The following CEP95 variants were observed in gnomAD, a reference collection of about 807,000 sequenced individuals.
CEP95 encodes centrosomal protein of 95 kDa.
Under a neutral mutation model 111.2 loss-of-function variants are expected in CEP95, and 98 were observed. The ratio of observed to expected loss-of-function variants is 0.88; its 90% confidence interval spans 0.75 to 1.04. CEP95 has a LOEUF of 1.04. Among genes scored for constraint, CEP95 ranks in the 50% least tolerant of loss-of-function variants. The pLI is 0.00. For synonymous variants in CEP95, 323 were observed against 327.1 expected, an observed-to-expected ratio of 0.99 and a Z score of 0.14; for missense variants, 1,027 against 977.2, an observed-to-expected ratio of 1.05 and a Z score of -0.68.
chr17:64,507,373 A>G, intron 1 of CEP95: 1 of 1,405,134 alleles, frequency 7.1e-7, no homozygotes, highest in Non-Finnish European at 9.2e-7. Flanking sequence ...TCCTGGCTGT[A>G]AAAAGAGCGG....
At position 64,525,900 on chromosome 17, in the gene CEP95, T is replaced by C. The variant is rs1555678989; in HGVS notation, c.1022+18T>C. On this transcript the variant is annotated intron_variant, in intron 9 of 19. Coordinates refer to ENST00000556440, the MANE Select transcript of CEP95 (RefSeq NM_138363.3). Reference sequence around the variant, plus strand: ...GGAAAAAGGTAACATTACTGCAGACTTCAGTGTTTACAGTCTGTTTACAAA... The same window carrying C: ...GGAAAAAGGTAACATTACTGCAGACCTCAGTGTTTACAGTCTGTTTACAAA... The C allele has an allele frequency of 6.6e-7, 1 of 1,525,182 alleles. No homozygotes were observed. Among genetic ancestry groups the C allele is most frequent in the African/African-American group, 1.4e-5 (1 of 71,564 alleles). 94.5% of individuals were successfully genotyped at this position (1,525,182 alleles called of 1,614,324 possible).
At chr17:64,532,290 A>C (rs1555680494) in intron 14 of CEP95, 4 of 1,166,060 alleles carry the variant, frequency 3.4e-6, no homozygotes, top group East Asian at 8.6e-5. Flanking sequence ...TCGTGTGCTT[A>C]CTCACTTTGA....
At chr17:64,530,427 AG>A (rs1178404392) in intron 12 of CEP95, among the ~76,000 whole-genome samples, 1 of 152,124 alleles carries the variant, frequency 6.6e-6, no homozygotes, top group Non-Finnish European at 1.5e-5. Context: ...AGAGTCTGAA[AG>A]GAATTTTTTT....
chr17:64,521,302 A>G lies in CEP95; in HGVS notation c.590-100A>G. ...AACATTATTTCGTTCAACATTATTT[A>G]ATATTTGTTTCCTGAGTACAAAACT... On this transcript the variant is annotated intron_variant, in intron 6 of 19. Coordinates refer to ENST00000556440, the MANE Select transcript of CEP95 (RefSeq NM_138363.3). 7 of 766,734 alleles carry G rather than the reference A, an allele frequency of 9.1e-6. No homozygotes were observed. The South Asian group carries it at 1.1e-4, about 12-fold the overall frequency. 47.5% of individuals were successfully genotyped at this position (766,734 alleles called of 1,614,324 possible). A position where few individuals can be genotyped will look rare whatever the true frequency, so the allele number is the denominator to read the frequency against.
At chr17:64,531,203 G>T in intron 13 of CEP95, 185 bp downstream of exon 13, 1 of 406,194 alleles carries the variant, frequency 2.5e-6, no homozygotes, top group African/African-American at 2.1e-5. Context: ...GCTAAAATAT[G>T]ACGAGACATG....
rs372545881 is a variant in CEP95 at position 64,532,983 on chromosome 17, G to A, written c.1817G>A (p.Arg606Gln). 9 of 1,611,554 alleles carry A rather than the reference G, an allele frequency of 5.6e-6. No individual in the cohort carries two copies. Among genetic ancestry groups the A allele is most frequent in the African/African-American group, 2.7e-5 (2 of 74,660 alleles). Residue 606 changes from arginine to glutamine, a missense_variant, in exon 15 of 20, where the codon CGA (arginine) becomes CAA (glutamine). Transcript: ENST00000556440. ...AAGAAAGAAGCATGTAGAGAAAATCGATCAAAGAAGAAACTCCAAGATGAA... is the reference window on the plus strand; with the variant it reads ...AAGAAAGAAGCATGTAGAGAAAATCAATCAAAGAAGAAACTCCAAGATGAA... Reference protein sequence around the residue: ...QLKKEACRENRSKKKLQDEIE... With the variant: ...QLKKEACRENQSKKKLQDEIE...
chr17:64,525,876 GA>G lies in CEP95; in HGVS notation c.1021del (p.Arg341GlufsTer23). 2 of 1,566,146 alleles carry G rather than the reference GA, an allele frequency of 1.3e-6. No individual in the cohort carries two copies. The highest frequency in any genetic ancestry group is 2.1e-5 in the Admixed American group (1 of 46,552). ...QGPRTRKPPK[G>X]KRNENRATAS... is the part of the protein sequence containing the mutation. ...CCTAGGACAAGGAAGCCTCCCAAAGGAAAAAGGTAACATTACTGCAGACTTC... is the reference window on the plus strand; with the variant it reads ...CCTAGGACAAGGAAGCCTCCCAAAGGAAAAGGTAACATTACTGCAGACTTC... On this transcript the variant is annotated frameshift_variant, in exon 9 of 20. Coordinates refer to ENST00000556440, the MANE Select transcript of CEP95 (RefSeq NM_138363.3). LOFTEE classifies it high-confidence loss of function.
chr17:64,507,497 T>C, intron 1 of CEP95: 1 of 1,189,140 alleles, frequency 8.4e-7, no homozygotes, highest in Non-Finnish European at 1.0e-6. Flanking sequence ...TATTGGTCTT[T>C]AAAGGAACAG....
chr17:64,534,421 G>A (rs1470317811), intron 16 of CEP95, 164 bp from the exon 17 acceptor site: 4 of 595,082 alleles, frequency 6.7e-6, no homozygotes, highest in African/African-American at 3.7e-5. Flanking sequence ...TTCAGATTGA[G>A]GTGATAAAGC....
intron 3 of CEP95, among the ~76,000 whole-genome samples, chr17:64,510,879 A>T (rs1457774772): frequency 2.0e-5 from 3 of 152,154 alleles, no homozygotes; most frequent in African/African-American, 7.2e-5. Context: ...ATAGTCACGT[A>T]GGTTCTTTTC....
rs782747693 is a variant in CEP95, at chr17:64,507,057, C to T, written c.-41C>T. ...GGTCCTTCCAGGACACCGTCGCCTT[C>T]CCGGCCGCGTCGGAGTCCGGCGGCG... On this transcript the variant is annotated 5_prime_UTR_variant, in exon 1 of 20. Transcript: ENST00000556440. 6.4e-6 allele frequency: 10 copies of T among 1,550,724 alleles called. No homozygotes were observed. Among genetic ancestry groups the T allele is most frequent in the African/African-American group, 1.4e-5 (1 of 73,178 alleles).
chr17:64,527,186 G>A lies in CEP95; in HGVS notation c.1228G>A (p.Val410Ile). The A allele has an allele frequency of 6.2e-7, 1 of 1,613,640 alleles. No individual in the cohort carries two copies. Among genetic ancestry groups the A allele is most frequent in the South Asian group, 1.1e-5 (1 of 91,064 alleles). ...AGAAGAAAATACTGGAAATGAGGAG[G>A]TAGAGGATGGAACTGAGGAGACACT... ...HKEENTGNEEVEDGTEETLSQ... is the reference protein window; with the variant it reads ...HKEENTGNEEIEDGTEETLSQ... Residue 410 changes from valine to isoleucine, a missense_variant, in exon 11 of 20, where the codon GTA (valine) becomes ATA (isoleucine). Val to Ile is a conservative substitution (Grantham distance 29). Transcript: ENST00000556440.
At chr17:64,531,068 G>A in intron 13 of CEP95, 50 bp downstream of exon 13, 1 of 1,032,404 alleles carries the variant, frequency 9.7e-7, no homozygotes, top group Non-Finnish European at 1.4e-6. Context: ...AGATGAGTGG[G>A]AAGTACAAAG....
intron 8 of CEP95, 49 bp downstream of exon 8, chr17:64,522,944 A>C: frequency 7.1e-7 from 1 of 1,411,914 alleles, no homozygotes; most frequent in South Asian, 1.3e-5. Context: ...ACTTGTATGT[A>C]TGTCTGTGTG....
At chr17:64,526,624 T>C (rs1440930760) in intron 10 of CEP95, among the ~76,000 whole-genome samples, 2 of 152,190 alleles carry the variant, frequency 1.3e-5, no homozygotes, top group African/African-American at 4.8e-5. Context: ...CTAAAGTTTA[T>C]TGAAACTTAG....
Position 64,510,190 on chromosome 17 carries a change from AG to A in CEP95, c.168del (p.Ser57ValfsTer12). The A allele has an allele frequency of 6.2e-7, 1 of 1,606,580 alleles. No homozygotes were observed. Among genetic ancestry groups the A allele is most frequent in the Non-Finnish European group, 8.5e-7 (1 of 1,175,270 alleles). ...EKVPDLIVIP[R>X]SQEDDAHNVQ... is the part of the protein sequence containing the mutation. ...CCCCCCAGACCTCATAGTTATTCCT[AG>A]GAGTCAAGAAGATGATGCACACAAT... On this transcript the variant is annotated frameshift_variant, in exon 3 of 20. Transcript: ENST00000556440. LOFTEE classifies it high-confidence loss of function.
Position 64,507,129 on chromosome 17 carries a change from C to CT in CEP95, c.19+14dup, listed in dbSNP as rs1245512062. On this transcript the variant is annotated intron_variant, in intron 1 of 19. Coordinates refer to ENST00000556440, the MANE Select transcript of CEP95 (RefSeq NM_138363.3). ...GGCTCGGATGCTGGTGAGTGTCTCC[C>CT]TGGGGTCCCAGTATGTGTGGACTGA... 3.9e-6 allele frequency: 6 copies of CT among 1,551,382 alleles called. No individual in the cohort carries two copies. In the African/African-American group the frequency reaches 8.2e-5, roughly 21 times the overall value.
chr17:64,525,351 A>G (rs1967726717), intron 8 of CEP95, among the ~76,000 whole-genome samples: 1 of 152,146 alleles, frequency 6.6e-6, no homozygotes. Flanking sequence ...TAAAATGTTA[A>G]GGGTTTATAT....
intron 5 of CEP95, among the ~76,000 whole-genome samples, 178 bp downstream of exon 5, chr17:64,517,006 C>T (rs936926427): frequency 6.6e-6 from 1 of 152,144 alleles, no homozygotes; most frequent in Non-Finnish European, 1.5e-5. Flanking sequence ...ACATATAATA[C>T]CTAAATCTCA....
Sources: allele counts gnomAD v4.1 joint callset (sites outside exome capture counted in the v4.1 genomes callset), GRCh38; gene constraint gnomAD v4.1.1; transcripts MANE v1.5; gene names NCBI Gene and HGNC (gene_info 2026-07-23, HGNC 2026-07-21).